TRPM2: variants seen among roughly 807,000 people sequenced by gnomAD.
TRPM2 encodes the protein transient receptor potential cation channel subfamily M member 2, also known as estrogen-responsive element-associated gene 1 protein.
Under a neutral mutation model 174.0 loss-of-function variants are expected in TRPM2, and 161 were observed. The ratio of observed to expected loss-of-function variants is 0.93; its 90% CI spans 0.81 to 1.05. TRPM2 has a LOEUF of 1.05. TRPM2 is among the 50% of genes least tolerant of loss of function. The pLI is 0.00. For missense variants in TRPM2, 2,057 were observed against 2,038.0 expected (o/e 1.01, Z -0.18); for synonymous variants, 954 against 861.3 (o/e 1.11, Z -1.88).
chr21:44,399,189 T>C lies in TRPM2; in HGVS notation c.2063-107T>C. 1 of 1,428,430 alleles carries C rather than the reference T, an allele frequency of 7.0e-7. No homozygotes were observed. Among genetic ancestry groups the C allele is most frequent in the Non-Finnish European group, 9.4e-7 (1 of 1,067,150 alleles). 88.5% of individuals were successfully genotyped at this position (1,428,430 alleles called of 1,614,324 possible). On this transcript the variant is annotated intron_variant, in intron 13 of 31. Transcript: ENST00000397928. This position sits in a 1 kb window ranked among gnomAD's most constrained non-coding sequence, Gnocchi z 4.6. ...CAGCCCCACATTTGCCCTGTGCCCT[T>C]CCCTGTGTCCTGGTGGTGCTGTCCC... is the stretch of plus-strand genomic sequence containing the variant.
At chr21:44,415,042 C>T (rs2050232375) in intron 20 of TRPM2, 2 of 152,364 alleles carry the variant, frequency 1.3e-5, no homozygotes, top group Non-Finnish European at 2.9e-5. Context: ...CACCGTGTGC[C>T]TCAGACGGCG....
chr21:44,439,230 G>A lies in TRPM2; in HGVS notation c.4269+62G>A. 6.8e-7 allele frequency: 1 copy of A among 1,479,838 alleles called. No homozygotes were observed. Among genetic ancestry groups the A allele is most frequent in the Non-Finnish European group, 9.4e-7 (1 of 1,063,758 alleles). The allele number at this position is 1,479,838 out of a possible 1,614,324, so 91.7% of individuals were successfully genotyped here. ...TCCCCAGGGCTGCAGGACAAACACA[G>A]TGTGATACTGGGGACCTGCCCCAGC... On this transcript the variant is annotated intron_variant, in intron 30 of 31. Coordinates refer to ENST00000397928, the MANE Select transcript of TRPM2 (RefSeq NM_003307.4). The surrounding 1 kb of genome is among the most constrained non-coding windows in gnomAD (Gnocchi z 5.1).
intron 22 of TRPM2, chr21:44,423,383 T>C: frequency 2.1e-6 from 1 of 475,390 alleles, no homozygotes; most frequent in East Asian, 3.8e-5. Flanking sequence ...CACCTCCCCC[T>C]CTCTCCTGGG....
Position 44,441,963 on chromosome 21 carries a change from C to T in TRPM2, c.*146C>T, listed in dbSNP as rs1452749530. 8.2e-7 allele frequency: 1 copy of T among 1,218,484 alleles called. No homozygotes were observed. 75.5% of individuals were successfully genotyped at this position (1,218,484 alleles called of 1,614,324 possible). ...GTGGACCCAGTGCCCCTCACGGCTG[C>T]CGCAAGTCTGCTGCAGATGACCTCA... is the stretch of plus-strand genomic sequence containing the variant. On this transcript the variant is annotated 3_prime_UTR_variant, in exon 32 of 32. Transcript: ENST00000397928.
intron 2 of TRPM2, among the ~76,000 whole-genome samples, chr21:44,356,634 C>A (rs760840254): frequency 6.6e-6 from 1 of 151,144 alleles, no homozygotes; most frequent in African/African-American, 2.4e-5. Flanking sequence ...CAGGTTCATG[C>A]GATTCACCAT....
In TRPM2 at chr21:44,366,611, TG is replaced by T; in HGVS notation, c.424-139del. On this transcript the variant is annotated intron_variant, in intron 3 of 31. Transcript: ENST00000397928. The surrounding 1 kb of genome is among the most constrained non-coding windows in gnomAD (Gnocchi z 6.0). ...TCTCGTGATCTGTGCCCTGCCCACA[TG>T]GGGACCCCTTTTCTGGGTCTGAGCC... 9.4e-7 allele frequency: 1 copy of T among 1,067,020 alleles called. No individual in the cohort carries two copies. Among genetic ancestry groups the T allele is most frequent in the Non-Finnish European group, 1.4e-6 (1 of 735,812 alleles). 66.1% of individuals were successfully genotyped at this position (1,067,020 alleles called of 1,614,324 possible). A position where few individuals can be genotyped will look rare whatever the true frequency, so the allele number is the denominator to read the frequency against.
chr21:44,409,541 C>T lies in TRPM2; in HGVS notation c.2962+2776C>T, dbSNP rs1396551241. Among the ~76,000 whole-genome samples the T allele has an allele frequency of 1.3e-4, 20 of 151,078 alleles. 1 individual carries two copies. The highest frequency in any genetic ancestry group is 4.4e-4 in the African/African-American group (18 of 41,074). On this transcript the variant is annotated intron_variant, in intron 19 of 31. Transcript: ENST00000397928. ...GCGTAGCCTTGTAGTAAGTTTTGATCGTGCTGTCTTGGTTGGCATAGCCTT... is the reference window on the plus strand; with the variant it reads ...GCGTAGCCTTGTAGTAAGTTTTGATTGTGCTGTCTTGGTTGGCATAGCCTT...
intron 20 of TRPM2, chr21:44,416,680 G>A (rs1326116228): frequency 5.3e-6 from 1 of 188,150 alleles, no homozygotes; most frequent in Admixed American, 6.0e-5. Flanking sequence ...GGAATTGTGA[G>A]GTCTGTGGGC....
intron 2 of TRPM2, among the ~76,000 whole-genome samples, chr21:44,362,177 A>G (rs546852792): frequency 6.6e-6 from 1 of 152,238 alleles, no homozygotes; most frequent in East Asian, 1.9e-4. Context: ...TTCTTAATCT[A>G]TAATATAATT....
At chr21:44,406,499 T>C in intron 18 of TRPM2, 95 bp from the exon 19 acceptor site, 1 of 1,390,904 alleles carries the variant, frequency 7.2e-7, no homozygotes, top group Admixed American at 2.4e-5. Context: ...GTGCTGTGAG[T>C]GGCAGTGCTG....
chr21:44,384,276 T>G (rs1451726237), intron 9 of TRPM2, among the ~76,000 whole-genome samples: 1 of 152,232 alleles, frequency 6.6e-6, no homozygotes, highest in Non-Finnish European at 1.5e-5. Flanking sequence ...TAAAACAGAA[T>G]ACCACAGACT....
Position 44,397,141 on chromosome 21 carries a change from C to T in TRPM2, c.1933-606C>T, listed in dbSNP as rs113453982. Among the ~76,000 whole-genome samples, 577 of 151,682 alleles carry T rather than the reference C, an allele frequency of 3.8e-3. 6 individuals are homozygous for T. Among genetic ancestry groups the T allele is most frequent in the African/African-American group, 0.014 (560 of 41,306 alleles). ...GCAACCTCTGCCTACCGTGTTCAAG[C>T]GATTCTCCTGCCTCAGCCTCCTGAG... is the stretch of plus-strand genomic sequence containing the variant. On this transcript the variant is annotated intron_variant, in intron 12 of 31. Coordinates refer to ENST00000397928, the MANE Select transcript of TRPM2 (RefSeq NM_003307.4).
rs1460400857 is a variant in TRPM2, at chr21:44,423,696, C to T, written c.3513C>T (p.Gly1171=). The part of the protein sequence containing the change: ...LLDLDPLKRS[G]SMEQRLASLE... ...ACCTGGACCCACTGAAGAGGTCGGG[C>T]TCCATGGAGCAGAGGTTGGCCTCCC... Residue 1171 remains glycine, a synonymous_variant, in exon 23 of 32, where the codon GGC becomes GGT. Coordinates refer to ENST00000397928, the MANE Select transcript of TRPM2 (RefSeq NM_003307.4). The T allele has an allele frequency of 6.2e-7, 1 of 1,612,216 alleles. No individual in the cohort carries two copies. The highest frequency in any genetic ancestry group is 8.5e-7 in the Non-Finnish European group (1 of 1,179,672).
chr21:44,423,716 C>G lies in TRPM2; in HGVS notation c.3533C>G (p.Ala1178Gly). The G allele has an allele frequency of 6.2e-7, 1 of 1,609,400 alleles. No individual in the cohort carries two copies. Residue 1178 changes from alanine (A) to glycine (G), a missense_variant, in exon 23 of 32, where the codon GCC becomes GGC. Coordinates refer to ENST00000397928, the MANE Select transcript of TRPM2 (RefSeq NM_003307.4). ...TCGGGCTCCATGGAGCAGAGGTTGG[C>G]CTCCCTGGAGGAGCAGGTGGGTCCG... ...KRSGSMEQRL[A>G]SLEEQVAQTA...
rs749310687 is a variant in TRPM2, at chr21:44,399,353, G to A, written c.2120G>A (p.Arg707His). The A allele has an allele frequency of 3.5e-5, 57 of 1,612,874 alleles. No individual in the cohort carries two copies. Among genetic ancestry groups the A allele is most frequent in the African/African-American group, 2.1e-4 (16 of 75,062 alleles). The change falls in exon 14 of 32, where the codon CGC becomes CAC. Residue 707 changes from arginine (R) to histidine (H), a missense_variant. Coordinates refer to ENST00000397928, the MANE Select transcript of TRPM2 (RefSeq NM_003307.4). This position sits in a 1 kb window ranked among gnomAD's most constrained non-coding sequence, Gnocchi z 4.6. ...GAGAGAGCCCAGAAACTGCTCACCC[G>A]CGTGTCCGAGGCCTGGGGGAAGACC... Reference protein sequence around the residue: ...DEERAQKLLTRVSEAWGKTTC... With the variant: ...DEERAQKLLTHVSEAWGKTTC...
At chr21:44,410,712 C>T (rs1409769752) in intron 19 of TRPM2, among the ~76,000 whole-genome samples, 1 of 63,230 alleles carries the variant, frequency 1.6e-5, no homozygotes, top group Non-Finnish European at 3.7e-5. Context: ...GTGAGCGTAG[C>T]CTTGTAGTAA....
intron 9 of TRPM2, among the ~76,000 whole-genome samples, chr21:44,390,696 C>T (rs1362921007): frequency 6.6e-6 from 1 of 152,138 alleles, no homozygotes; most frequent in African/African-American, 2.4e-5. Flanking sequence ...TGACCAAAGC[C>T]CCAAGATTCA....
intron 19 of TRPM2, among the ~76,000 whole-genome samples, chr21:44,410,623 G>A (rs1476998216): frequency 8.0e-5 from 6 of 74,718 alleles, no homozygotes; most frequent in African/African-American, 1.6e-4. Flanking sequence ...TGTCTTGGTT[G>A]GCGTAGCCTT....
chr21:44,438,491 C>G lies in TRPM2; in HGVS notation c.4168-576C>G, dbSNP rs2051361701. ...ACCGTCTTGACGTGGCCTGCAAAGT[C>G]TTCATGAGAAACCCACGGGTGTTTC... On this transcript the variant is annotated intron_variant, in intron 29 of 31. Transcript: ENST00000397928. This position sits in a 1 kb window ranked among gnomAD's most constrained non-coding sequence, Gnocchi z 5.9. Among the ~76,000 whole-genome samples, 1 of 152,152 alleles carries G rather than the reference C, an allele frequency of 6.6e-6. No individual in the cohort carries two copies. Among genetic ancestry groups the G allele is most frequent in the East Asian group, 1.9e-4 (1 of 5,184 alleles).
Sources: gnomAD v4.1 joint callset for allele counts (sites outside exome capture counted in the v4.1 genomes callset) on GRCh38, gnomAD v4.1.1 for gene constraint, Gnocchi (gnomAD v3.1) non-coding constraint, MANE v1.5 for transcripts, NCBI Gene and HGNC (gene_info 2026-07-23, HGNC 2026-07-21) for gene names.